Variants in SCRG1 observed in about 807,000 individuals in gnomAD.
The protein encoded by SCRG1 is scrapie-responsive protein 1.
SCRG1 carries 3 observed loss-of-function variants against 7.7 expected under a neutral mutation model. The ratio of observed to expected loss-of-function variants is 0.39; its 90% confidence interval spans 0.18 to 1.01. SCRG1 has a LOEUF of 1.01. SCRG1 is among the 50% of genes least tolerant of loss of function. The probability of loss-of-function intolerance (pLI) is 0.36; values close to 1 mark genes in which losing one functional copy is unlikely to be tolerated. For missense variants in SCRG1, 110 were observed against 117.2 expected, an observed-to-expected ratio of 0.94 and a Z score of 0.28; for synonymous variants, 46 against 41.2, an observed-to-expected ratio of 1.12 and a Z score of -0.44.
chr4:173,434,251 T>G, the SCRG1 span, among the ~76,000 whole-genome samples: 16 of 152,196 alleles, frequency 1.1e-4, no homozygotes, highest in Non-Finnish European at 2.1e-4. Flanking sequence ...TTTCAAAAAT[T>G]TTACAATATC....
chr4:173,477,760 T>TTCCTTCCTTCCC, the SCRG1 span, among the ~76,000 whole-genome samples: 1 of 142,192 alleles, frequency 7.0e-6, no homozygotes, highest in African/African-American at 2.5e-5. Flanking sequence ...CCTTCCTTCC[T>TTCCTTCCTTCCC]TCCTTCCTTC....
chr4:173,442,385 G>A, the SCRG1 span, among the ~76,000 whole-genome samples: 3 of 152,078 alleles, frequency 2.0e-5, no homozygotes, highest in Non-Finnish European at 1.5e-5. Context: ...AAATACATTC[G>A]GGATCATGTG....
chr4:173,485,100 T>G, the SCRG1 span, among the ~76,000 whole-genome samples: 1 of 13,582 alleles, frequency 7.4e-5, no homozygotes, highest in Non-Finnish European at 2.1e-4. Flanking sequence ...ATATATTATA[T>G]ATTATATATT....
the SCRG1 span, among the ~76,000 whole-genome samples, chr4:173,455,808 C>T: frequency 6.6e-5 from 10 of 152,060 alleles, no homozygotes; most frequent in Non-Finnish European, 1.5e-4. Flanking sequence ...AGGAGAGATG[C>T]ATTCAGAATA....
upstream of SCRG1, among the ~76,000 whole-genome samples, chr4:173,400,152 A>G (rs1447638985): frequency 6.6e-6 from 1 of 152,204 alleles, no homozygotes; most frequent in Non-Finnish European, 1.5e-5. Flanking sequence ...GTTTCCTGGG[A>G]GGAAAGGAGA....
chr4:173,500,221 C>T, the SCRG1 span, among the ~76,000 whole-genome samples: 1 of 152,210 alleles, frequency 6.6e-6, no homozygotes, highest in Non-Finnish European at 1.5e-5. Flanking sequence ...ATGTTTCCTG[C>T]GTCACGGAAA....
chr4:173,414,942 G>C, the SCRG1 span, among the ~76,000 whole-genome samples: 1 of 152,224 alleles, frequency 6.6e-6, no homozygotes, highest in Non-Finnish European at 1.5e-5. Flanking sequence ...GTAACCAGTA[G>C]TTTTTGCCTG....
the SCRG1 span, among the ~76,000 whole-genome samples, chr4:173,481,552 T>G: frequency 1.0e-3 from 157 of 152,160 alleles, no homozygotes; most frequent in Non-Finnish European, 1.1e-3. Flanking sequence ...AAAGTTACAT[T>G]AAGTGTGTCT....
the SCRG1 span, among the ~76,000 whole-genome samples, chr4:173,508,581 C>T: frequency 6.6e-6 from 1 of 152,172 alleles, no homozygotes; most frequent in Non-Finnish European, 1.5e-5. This position sits in a 1 kb window ranked among gnomAD's most constrained non-coding sequence, Gnocchi z 4.4. Context: ...CCCCAGCCAC[C>T]GCGGTAGGTG....
In SCRG1 at chr4:173,387,349, T is replaced by A. The variant is rs1377864520; in HGVS notation, c.*992A>T. ...GAAATGTGCTTAAAGTTCTTGGTTTTTGTTTGTTTGTTTGAGACAGAGTCT... is the reference window on the plus strand; with the variant it reads ...GAAATGTGCTTAAAGTTCTTGGTTTATGTTTGTTTGTTTGAGACAGAGTCT... On this transcript the variant is annotated 3_prime_UTR_variant, in exon 3 of 3. Coordinates refer to ENST00000296506, the MANE Select transcript of SCRG1 (RefSeq NM_007281.4). 1 of 152,158 alleles carries A rather than the reference T, an allele frequency of 6.6e-6. No homozygotes were observed. Among genetic ancestry groups the A allele is most frequent in the East Asian group, 1.9e-4 (1 of 5,192 alleles). 9.4% of individuals were successfully genotyped at this position (152,158 alleles called of 1,614,324 possible). A position where few individuals can be genotyped will look rare whatever the true frequency, so the allele number is the denominator to read the frequency against.
chr4:173,423,694 G>A, the SCRG1 span, among the ~76,000 whole-genome samples: 681 of 145,114 alleles, frequency 4.7e-3, 12 homozygotes, highest in African/African-American at 0.016. Context: ...TTTCCTTATA[G>A]CATTTTGTTG....
chr4:173,484,548 T>TATATATTATATACATATAA, the SCRG1 span, among the ~76,000 whole-genome samples: 13 of 65,460 alleles, frequency 2.0e-4, no homozygotes, highest in South Asian at 4.8e-4. Context: ...TATGTATATT[T>TATATATTATATACATATAA]TATATGTTAT....
chr4:173,465,211 T>G, the SCRG1 span, among the ~76,000 whole-genome samples: 1 of 152,194 alleles, frequency 6.6e-6, no homozygotes, highest in African/African-American at 2.4e-5. Flanking sequence ...TGCCACTGAA[T>G]GACACACTTA....
the SCRG1 span, among the ~76,000 whole-genome samples, chr4:173,439,113 G>A: frequency 6.6e-6 from 1 of 152,066 alleles, no homozygotes; most frequent in African/African-American, 2.4e-5. Context: ...ATAAGTTCAG[G>A]CCCCTTGGAA....
chr4:173,481,768 G>A, the SCRG1 span, among the ~76,000 whole-genome samples: 1 of 151,918 alleles, frequency 6.6e-6, no homozygotes, highest in African/African-American at 2.4e-5. Context: ...CTTTTCTCTA[G>A]CTTACTTTAC....
At chr4:173,518,235 CG>C in the SCRG1 span, among the ~76,000 whole-genome samples, 1 of 152,094 alleles carries the variant, frequency 6.6e-6, no homozygotes, top group African/African-American at 2.4e-5. Flanking sequence ...AAACTGGGTG[CG>C]GCACACCTTC....
At chr4:173,513,032 T>C in the SCRG1 span, among the ~76,000 whole-genome samples, 7 of 152,348 alleles carry the variant, frequency 4.6e-5, no homozygotes, top group East Asian at 1.2e-3. Flanking sequence ...ATAACCCATA[T>C]GAACCATCTA....
chr4:173,508,170 C>T, the SCRG1 span, among the ~76,000 whole-genome samples: 1 of 152,208 alleles, frequency 6.6e-6, no homozygotes, highest in Non-Finnish European at 1.5e-5. The surrounding 1 kb of genome is among the most constrained non-coding windows in gnomAD (Gnocchi z 4.4). Flanking sequence ...AACTCCCCCT[C>T]CTCCCGCCTA....
the SCRG1 span, among the ~76,000 whole-genome samples, chr4:173,485,426 G>A: frequency 6.6e-6 from 1 of 150,772 alleles, no homozygotes; most frequent in East Asian, 2.0e-4. Context: ...GGCTATCTGG[G>A]CCATTCAGCC....
Sources: allele counts gnomAD v4.1 joint callset (sites outside exome capture counted in the v4.1 genomes callset), GRCh38; gene constraint gnomAD v4.1.1; non-coding constraint Gnocchi (gnomAD v3.1); transcripts MANE v1.5; gene names NCBI Gene and HGNC (gene_info 2026-07-23, HGNC 2026-07-21).